ADK: variants seen among roughly 807,000 people sequenced by gnomAD.
ADK encodes adenosine kinase.
A neutral mutation model predicts 44.7 loss-of-function variants in ADK; 24 were observed. The observed-to-expected ratio is 0.54, with a 90% CI of 0.39 to 0.76. The LOEUF is 0.76. ADK is among the 30% of genes least tolerant of loss of function. ADK has a pLI of 0.00. For synonymous variants in ADK, 128 were observed against 142.6 expected, an observed-to-expected ratio of 0.90 and a Z score of 0.73; for missense variants, 321 against 425.1, an observed-to-expected ratio of 0.76 and a Z score of 2.15.
chr10:74,563,059 A>T (rs1850520123), intron 7 of ADK, among the ~76,000 whole-genome samples: 1 of 151,870 alleles, frequency 6.6e-6, no homozygotes, highest in South Asian at 2.1e-4. Context: ...TTTATTTTTA[A>T]TTTTTTTTAA....
intron 3 of ADK, among the ~76,000 whole-genome samples, chr10:74,311,620 G>A (rs546418529): frequency 6.6e-6 from 1 of 152,114 alleles, no homozygotes; most frequent in South Asian, 2.1e-4. Flanking sequence ...TTAAATATTA[G>A]AAACTTGGCT....
At chr10:74,406,137 G>C (rs1216944580) in intron 6 of ADK, among the ~76,000 whole-genome samples, 1 of 152,136 alleles carries the variant, frequency 6.6e-6, no homozygotes, top group Non-Finnish European at 1.5e-5. Context: ...CCATCTCTCA[G>C]AGATACGTAT....
At chr10:74,325,207 G>A (rs1840965292) in intron 4 of ADK, among the ~76,000 whole-genome samples, 1 of 151,572 alleles carries the variant, frequency 6.6e-6, no homozygotes, top group African/African-American at 2.4e-5. Context: ...TTATCTCCTT[G>A]GTTGAATTTA....
At chr10:74,570,184 G>A (rs1564797487) in intron 7 of ADK, among the ~76,000 whole-genome samples, 1 of 151,900 alleles carries the variant, frequency 6.6e-6, no homozygotes, top group Non-Finnish European at 1.5e-5. Context: ...TAGCCTTGTA[G>A]TATAGTTTGA....
intron 10 of ADK, among the ~76,000 whole-genome samples, chr10:74,676,129 T>G (rs1199621669): frequency 2.0e-5 from 3 of 152,168 alleles, no homozygotes; most frequent in Admixed American, 2.0e-4. Flanking sequence ...TTTTTTTGTT[T>G]TGTTTTCGTT....
At chr10:74,331,070 C>T (rs1226969832) in intron 4 of ADK, among the ~76,000 whole-genome samples, 1 of 151,954 alleles carries the variant, frequency 6.6e-6, no homozygotes, top group Admixed American at 6.6e-5. Flanking sequence ...TTCTTTTATA[C>T]ATAATCGTTT....
chr10:74,192,477 C>T (rs188184057), intron 1 of ADK, among the ~76,000 whole-genome samples: 102 of 151,834 alleles, frequency 6.7e-4, no homozygotes, highest in African/African-American at 2.0e-3. Flanking sequence ...CCGCCCGCCT[C>T]GGCCTCCCAA....
chr10:74,365,987 T>C (rs1279859572), intron 4 of ADK, among the ~76,000 whole-genome samples: 1 of 152,218 alleles, frequency 6.6e-6, no homozygotes, highest in African/African-American at 2.4e-5. Flanking sequence ...GTAAATGTTT[T>C]CATGTGCCTG....
At chr10:74,550,469 A>G (rs969567726) in intron 7 of ADK, among the ~76,000 whole-genome samples, 5 of 152,126 alleles carry the variant, frequency 3.3e-5, no homozygotes, top group African/African-American at 1.2e-4. Flanking sequence ...TGATGCCATT[A>G]TCACTTGCCC....
chr10:74,412,456 T>G (rs1407123470), intron 6 of ADK, among the ~76,000 whole-genome samples: 1 of 152,214 alleles, frequency 6.6e-6, no homozygotes, highest in East Asian at 1.9e-4. Flanking sequence ...ATGTTCTTAA[T>G]GACAACTGGA....
intron 10 of ADK, among the ~76,000 whole-genome samples, chr10:74,686,298 C>G (rs1855786658): frequency 6.6e-6 from 1 of 152,112 alleles, no homozygotes. Flanking sequence ...ACCACATTAA[C>G]TAGTTGTGGG....
At chr10:74,156,161 G>A (rs1232834027) in intron 1 of ADK, among the ~76,000 whole-genome samples, 2 of 152,190 alleles carry the variant, frequency 1.3e-5, no homozygotes, top group Non-Finnish European at 2.9e-5. Context: ...GGAAGTGCTT[G>A]AAACTCAGGG....
intron 3 of ADK, among the ~76,000 whole-genome samples, chr10:74,229,549 C>G (rs749335731): frequency 2.6e-5 from 4 of 151,992 alleles, no homozygotes; most frequent in Admixed American, 1.3e-4. Context: ...AGGCGCCCAC[C>G]ACCACGCCCG....
intron 9 of ADK, among the ~76,000 whole-genome samples, chr10:74,620,476 C>T (rs372702855): frequency 1.4e-4 from 22 of 152,194 alleles, no homozygotes; most frequent in East Asian, 5.8e-4. Flanking sequence ...AAGTAGTATT[C>T]GATCATGTAT....
intron 6 of ADK, among the ~76,000 whole-genome samples, chr10:74,470,799 G>T (rs1846557359): frequency 6.6e-6 from 1 of 151,734 alleles, no homozygotes; most frequent in African/African-American, 2.4e-5. Context: ...AGTCCCATTT[G>T]TCTTATTTTT....
chr10:74,223,392 T>A (rs1014927717), intron 2 of ADK, among the ~76,000 whole-genome samples: 2 of 152,144 alleles, frequency 1.3e-5, no homozygotes, highest in Non-Finnish European at 2.9e-5. Context: ...TATTGCCCCG[T>A]TGGGGATTAA....
chr10:74,180,798 A>G (rs1004333840), intron 1 of ADK, among the ~76,000 whole-genome samples: 10 of 151,630 alleles, frequency 6.6e-5, no homozygotes, highest in African/African-American at 2.4e-5. Flanking sequence ...TGATCCCCCC[A>G]CTTCGGCCTC....
intron 9 of ADK, among the ~76,000 whole-genome samples, chr10:74,649,733 T>G (rs888746659): frequency 2.6e-5 from 4 of 152,180 alleles, no homozygotes; most frequent in African/African-American, 9.6e-5. Flanking sequence ...CCCACTAAAT[T>G]TTTTAATGTA....
At chr10:74,488,632 TAAAG>T (rs1352541184) in intron 6 of ADK, among the ~76,000 whole-genome samples, 1 of 151,046 alleles carries the variant, frequency 6.6e-6, no homozygotes, top group Non-Finnish European at 1.5e-5. Context: ...ATAGCAGGAT[TAAAG>T]AAAACTTTTC....
Sources: gnomAD v4.1 joint callset for allele counts (sites outside exome capture counted in the v4.1 genomes callset) on GRCh38, gnomAD v4.1.1 for gene constraint, MANE v1.5 for transcripts, NCBI Gene and HGNC (gene_info 2026-07-23, HGNC 2026-07-21) for gene names.